SCHIP1: variants seen among roughly 807,000 people sequenced by gnomAD.
SCHIP1 encodes schwannomin-interacting protein 1.
SCHIP1 carries 8 observed loss-of-function variants against 29.7 expected under a neutral mutation model. The observed-to-expected ratio is 0.27, with a 90% CI of 0.16 to 0.49. SCHIP1 has a LOEUF of 0.49. Among genes scored for constraint, SCHIP1 ranks in the 20% least tolerant of loss-of-function variants. The pLI, the probability that SCHIP1 is intolerant of heterozygous loss-of-function variation, is 0.99. For synonymous variants in SCHIP1, 76 were observed against 94.9 expected (o/e 0.80, Z 1.16); for missense variants, 193 against 294.6 (o/e 0.66, Z 2.52).
At chr3:159,415,050 T>G in the SCHIP1 span, among the ~76,000 whole-genome samples, 1 of 152,198 alleles carries the variant, frequency 6.6e-6, no homozygotes, top group African/African-American at 2.4e-5. Flanking sequence ...CTAGGCTAAT[T>G]AACATTAGTG....
the SCHIP1 span, among the ~76,000 whole-genome samples, chr3:159,718,913 C>T: frequency 2.0e-5 from 3 of 152,142 alleles, no homozygotes; most frequent in Admixed American, 2.0e-4. Context: ...AAAAAAGAGC[C>T]CACATTGCCA....
chr3:159,856,613 A>G lies in SCHIP1; in HGVS notation c.31-9550A>G, dbSNP rs573751252. 1.1e-3 allele frequency among the ~76,000 whole-genome samples: 170 copies of G among 152,312 alleles called. 1 individual carries two copies. The highest frequency in any genetic ancestry group is 4.0e-3 in the African/African-American group (167 of 41,586). On this transcript the variant is annotated intron_variant, in intron 1 of 6. Transcript: ENST00000445224. The stretch of plus-strand genomic sequence containing the variant: ...TGGTATTGCCTTCTGTTCCTAGGCT[A>G]CTGTGCACAGAATCAGGGAGCTGAC...
At chr3:159,769,444 C>T in the SCHIP1 span, among the ~76,000 whole-genome samples, 121 of 152,296 alleles carry the variant, frequency 7.9e-4, no homozygotes, top group African/African-American at 2.8e-3. Flanking sequence ...TATTTTGACG[C>T]TTTTCTTTAA....
chr3:159,339,986 A>C, the SCHIP1 span, among the ~76,000 whole-genome samples: 1 of 152,118 alleles, frequency 6.6e-6, no homozygotes, highest in African/African-American at 2.4e-5. Flanking sequence ...TAGAATTATT[A>C]GAATAATTCT....
At chr3:159,399,350 A>G in the SCHIP1 span, among the ~76,000 whole-genome samples, 2 of 152,028 alleles carry the variant, frequency 1.3e-5, no homozygotes, top group Non-Finnish European at 2.9e-5. Context: ...TCATGTGTTT[A>G]TTCATGATAT....
the SCHIP1 span, among the ~76,000 whole-genome samples, chr3:159,496,918 T>C: frequency 8.5e-5 from 13 of 152,188 alleles, no homozygotes; most frequent in Non-Finnish European, 1.6e-4. Context: ...TGGAATACTA[T>C]GCAGCCATAA....
chr3:159,518,441 AT>A, the SCHIP1 span, among the ~76,000 whole-genome samples: 1 of 152,090 alleles, frequency 6.6e-6, no homozygotes, highest in Non-Finnish European at 1.5e-5. Context: ...AATAAAATAT[AT>A]TTTTCACTAT....
chr3:159,511,130 C>T, the SCHIP1 span, among the ~76,000 whole-genome samples: 66 of 152,310 alleles, frequency 4.3e-4, no homozygotes, highest in East Asian at 9.9e-3. Flanking sequence ...TTTGAGCTTC[C>T]CTGCTGCTTT....
At chr3:159,507,650 T>A in the SCHIP1 span, among the ~76,000 whole-genome samples, 1 of 152,236 alleles carries the variant, frequency 6.6e-6, no homozygotes, top group Non-Finnish European at 1.5e-5. Flanking sequence ...CATCAATACC[T>A]AACTTATTGA....
At chr3:159,749,302 C>T in the SCHIP1 span, among the ~76,000 whole-genome samples, 59,925 of 151,582 alleles carry the variant, frequency 0.4, 13,768 homozygotes, top group Middle Eastern at 0.53. Flanking sequence ...GAGCTTGTGC[C>T]ACTGCACTCA....
the SCHIP1 span, among the ~76,000 whole-genome samples, chr3:159,599,351 C>A: frequency 6.6e-6 from 1 of 151,982 alleles, no homozygotes; most frequent in Non-Finnish European, 1.5e-5. Flanking sequence ...TTTGGTGCAC[C>A]CATCATTCAA....
the SCHIP1 span, among the ~76,000 whole-genome samples, chr3:159,734,456 A>T: frequency 6.6e-6 from 1 of 151,952 alleles, no homozygotes; most frequent in Non-Finnish European, 1.5e-5. Flanking sequence ...GTTATCTTTT[A>T]TAAGATAAGT....
chr3:159,404,697 G>A, the SCHIP1 span, among the ~76,000 whole-genome samples: 1 of 152,198 alleles, frequency 6.6e-6, no homozygotes, highest in South Asian at 2.1e-4. Flanking sequence ...ACCCACCCAG[G>A]ACTAGCAGGA....
the SCHIP1 span, among the ~76,000 whole-genome samples, chr3:159,281,686 C>T: frequency 4.6e-5 from 7 of 152,104 alleles, no homozygotes; most frequent in East Asian, 9.7e-4. Flanking sequence ...CAATAATGGA[C>T]GGTTACTTTT....
In SCHIP1 at chr3:159,887,954, G is replaced by A. The variant is rs1231162036; in HGVS notation, c.465+49G>A. On this transcript the variant is annotated intron_variant, in intron 4 of 6. Coordinates refer to ENST00000445224, the Ensembl canonical transcript of SCHIP1. ...AAGGAAGTGTTTGGGAGCCAGAAAT[G>A]GTTGACACTGTCCCAGTCCTTTCCC... is the stretch of plus-strand genomic sequence containing the variant. 4.4e-6 allele frequency: 7 copies of A among 1,603,752 alleles called. No individual in the cohort carries two copies. The Middle Eastern group carries it at 5.5e-4, about 125-fold the overall frequency.
chr3:159,768,360 A>G, the SCHIP1 span: 2 of 152,096 alleles, frequency 1.3e-5, no homozygotes, highest in East Asian at 3.9e-4. Context: ...ATGACATACT[A>G]TTGGGTTCTG....
chr3:159,461,981 G>A, the SCHIP1 span, among the ~76,000 whole-genome samples: 2 of 152,052 alleles, frequency 1.3e-5, no homozygotes, highest in Admixed American at 1.3e-4. Flanking sequence ...AGGCCGAGGT[G>A]GGCGGATCAC....
the SCHIP1 span, among the ~76,000 whole-genome samples, chr3:159,679,176 A>G: frequency 6.6e-6 from 1 of 152,164 alleles, no homozygotes; most frequent in Non-Finnish European, 1.5e-5. Flanking sequence ...TGTGAAGGTG[A>G]TTTCAACTCA....
At chr3:159,707,728 G>A in the SCHIP1 span, among the ~76,000 whole-genome samples, 14 of 152,110 alleles carry the variant, frequency 9.2e-5, no homozygotes, top group African/African-American at 3.4e-4. Flanking sequence ...CTAGATCAGG[G>A]AAATTTTCCC....
Sources: gnomAD v4.1 joint callset for allele counts (sites outside exome capture counted in the v4.1 genomes callset) on GRCh38, gnomAD v4.1.1 for gene constraint, MANE v1.5 for transcripts, NCBI Gene and HGNC (gene_info 2026-07-23, HGNC 2026-07-21) for gene names.